Variants in RAB10 observed in about 807,000 individuals in gnomAD.
The protein encoded by RAB10 is RAB10, member RAS oncogene family, also known as ras-related protein Rab-10.
Under a neutral mutation model 25.7 loss-of-function variants are expected in RAB10, and 5 were observed. The observed-to-expected ratio is 0.19, with a 90% confidence interval of 0.10 to 0.41. The LOEUF (loss-of-function observed/expected upper bound fraction) is 0.41. RAB10 is among the 10% of genes least tolerant of loss of function. The pLI is 1.00. For missense variants in RAB10, 103 were observed against 245.8 expected (o/e 0.42, Z 3.89); for synonymous variants, 89 against 86.4 (o/e 1.03, Z -0.16).
intron 1 of RAB10, among the ~76,000 whole-genome samples, chr2:26,037,784 T>C (rs750497023): frequency 2.6e-5 from 4 of 152,146 alleles, no homozygotes; most frequent in Non-Finnish European, 4.4e-5. Flanking sequence ...ATATATAGAA[T>C]ATGTGACTCT....
At chr2:26,036,865 C>A (rs150690835) in intron 1 of RAB10, among the ~76,000 whole-genome samples, 48 of 152,110 alleles carry the variant, frequency 3.2e-4, no homozygotes, top group African/African-American at 1.1e-3. Context: ...TCTCGGCCCA[C>A]TGCAACCTCC....
chr2:26,064,653 T>C (rs1166813837), intron 1 of RAB10, among the ~76,000 whole-genome samples: 1 of 152,076 alleles, frequency 6.6e-6, no homozygotes, highest in Non-Finnish European at 1.5e-5. Context: ...AGCCTGAAAA[T>C]AGTTTTTAAA....
chr2:26,071,579 T>G (rs1666627470), intron 1 of RAB10, among the ~76,000 whole-genome samples: 1 of 152,000 alleles, frequency 6.6e-6, no homozygotes, highest in African/African-American at 2.4e-5. Context: ...TCCCAGCTAC[T>G]TGGGAGACTG....
At chr2:26,088,899 A>G (rs752213223) in intron 1 of RAB10, among the ~76,000 whole-genome samples, 21 of 151,834 alleles carry the variant, frequency 1.4e-4, no homozygotes, top group Non-Finnish European at 2.8e-4. Context: ...CTGGGATTAC[A>G]GGCATGAGCC....
At chr2:26,087,529 G>A (rs1359812797) in intron 1 of RAB10, among the ~76,000 whole-genome samples, 1 of 151,984 alleles carries the variant, frequency 6.6e-6, no homozygotes, top group South Asian at 2.1e-4. Context: ...CAGCCTCCCT[G>A]GTAGCTGGGA....
chr2:26,116,960 G>GAGAC (rs2149286311), intron 3 of RAB10, among the ~76,000 whole-genome samples: 1 of 151,814 alleles, frequency 6.6e-6, no homozygotes, highest in African/African-American at 2.4e-5. Context: ...ATGTGCCACT[G>GAGAC]TGCCACTCTT....
intron 5 of RAB10, among the ~76,000 whole-genome samples, chr2:26,132,906 C>G (rs964160565): frequency 3.9e-5 from 6 of 152,118 alleles, no homozygotes; most frequent in Admixed American, 6.5e-5. Flanking sequence ...TTCAGTGCAA[C>G]TGTACTTTTT....
chr2:26,115,077 G>A (rs147344390), intron 3 of RAB10, among the ~76,000 whole-genome samples: 293 of 152,248 alleles, frequency 1.9e-3, no homozygotes, highest in Non-Finnish European at 3.5e-3. Flanking sequence ...AAGAAAAGAG[G>A]ACAGACTCTA....
At chr2:26,044,499 G>T (rs1304050117) in intron 1 of RAB10, among the ~76,000 whole-genome samples, 1 of 151,940 alleles carries the variant, frequency 6.6e-6, no homozygotes, top group Non-Finnish European at 1.5e-5. Context: ...ACTGAGACTG[G>T]TGAGGTGAAG....
At chr2:26,128,012 A>C (rs1023457982) in intron 5 of RAB10, 61 bp downstream of exon 5, 17 of 1,356,206 alleles carry the variant, frequency 1.3e-5, no homozygotes, top group Non-Finnish European at 1.5e-5. Context: ...TATTTTGTCT[A>C]TTCTGAAGTA....
intron 1 of RAB10, among the ~76,000 whole-genome samples, chr2:26,042,208 C>T (rs1665905715): frequency 6.6e-6 from 1 of 152,156 alleles, no homozygotes; most frequent in Non-Finnish European, 1.5e-5. Context: ...ATTGGAGTCT[C>T]TCGGCTCCAT....
At position 26,047,681 on chromosome 2, in the gene RAB10, C is replaced by T. The variant is rs187445905; in HGVS notation, c.127+12946C>T. On this transcript the variant is annotated intron_variant, in intron 1 of 5. Transcript: ENST00000264710. ...ATCTGCCTTGCCTGCCTCGGCCTCC[C>T]AAAGTGTTGGGATTACAGGTGTGAG... Among the ~76,000 whole-genome samples, 739 of 148,444 alleles carry T rather than the reference C, an allele frequency of 5.0e-3. 5 individuals carry two copies. The highest frequency in any genetic ancestry group is 0.017 in the African/African-American group (694 of 40,270).
At chr2:26,067,063 T>A (rs1412725266) in intron 1 of RAB10, among the ~76,000 whole-genome samples, 1 of 152,140 alleles carries the variant, frequency 6.6e-6, no homozygotes, top group Non-Finnish European at 1.5e-5. Flanking sequence ...ATTATAGGTG[T>A]GAGCCACCAT....
intron 1 of RAB10, among the ~76,000 whole-genome samples, chr2:26,050,239 T>C (rs2149263759): frequency 6.6e-6 from 1 of 152,324 alleles, no homozygotes; most frequent in South Asian, 2.1e-4. Context: ...CTCAGTTGAG[T>C]GTTTGACAAG....
chr2:26,068,587 TC>T (rs1455239418), intron 1 of RAB10, among the ~76,000 whole-genome samples: 1 of 152,164 alleles, frequency 6.6e-6, no homozygotes, highest in Non-Finnish European at 1.5e-5. Flanking sequence ...GCCAAATACA[TC>T]AGACAATCCT....
intron 3 of RAB10, among the ~76,000 whole-genome samples, chr2:26,121,734 A>C (rs1667806738): frequency 6.6e-6 from 1 of 152,244 alleles, no homozygotes; most frequent in Non-Finnish European, 1.5e-5. Context: ...GAGCCCATAC[A>C]AGGCACCTTT....
intron 1 of RAB10, among the ~76,000 whole-genome samples, chr2:26,080,188 A>T (rs747244354): frequency 6.6e-6 from 1 of 152,236 alleles, no homozygotes. Flanking sequence ...TAAAACCAAT[A>T]GAATAAAATA....
At chr2:26,103,049 A>T (rs1336002575) in intron 2 of RAB10, among the ~76,000 whole-genome samples, 3 of 152,184 alleles carry the variant, frequency 2.0e-5, no homozygotes, top group Non-Finnish European at 4.4e-5. Flanking sequence ...ATTGTTCATT[A>T]TCCCTCCTTA....
chr2:26,115,878 G>C (rs1163402355), intron 3 of RAB10, among the ~76,000 whole-genome samples: 1 of 68,388 alleles, frequency 1.5e-5, no homozygotes, highest in Non-Finnish European at 3.0e-5. Context: ...TTTTTTTTTT[G>C]AGACGGAGTT....
Sources: gnomAD v4.1 joint callset for allele counts (sites outside exome capture counted in the v4.1 genomes callset) on GRCh38, gnomAD v4.1.1 for gene constraint, MANE v1.5 for transcripts, NCBI Gene and HGNC (gene_info 2026-07-23, HGNC 2026-07-21) for gene names.